The following FHIP1A variants were observed in gnomAD, a reference collection of about 807,000 sequenced individuals.
The protein encoded by FHIP1A is FHF complex subunit HOOK interacting protein 1A.
A neutral mutation model predicts 88.6 loss-of-function variants in FHIP1A; 61 were observed. The ratio of observed to expected loss-of-function variants is 0.69; its 90% CI spans 0.56 to 0.85. The LOEUF (loss-of-function observed/expected upper bound fraction) is 0.85. Among genes scored for constraint, FHIP1A ranks in the 40% least tolerant of loss-of-function variants. The probability of loss-of-function intolerance (pLI) is 0.00; values close to 1 mark genes in which losing one functional copy is unlikely to be tolerated. For missense variants in FHIP1A, 1,154 were observed against 1,273.5 expected (o/e 0.91, Z 1.43); for synonymous variants, 478 against 496.0 (o/e 0.96, Z 0.48).
intron 3 of FHIP1A, among the ~76,000 whole-genome samples, chr4:151,529,728 G>T (rs1731803438): frequency 6.6e-6 from 1 of 152,194 alleles, no homozygotes; most frequent in Admixed American, 6.5e-5. Flanking sequence ...GTGTCCATAA[G>T]ATTCTAGAAG....
chr4:151,492,076 A>G (rs1730302109), intron 3 of FHIP1A, among the ~76,000 whole-genome samples: 4 of 152,236 alleles, frequency 2.6e-5, no homozygotes, highest in Admixed American at 2.6e-4. Flanking sequence ...TACTCCACTG[A>G]CAGCACTAGA....
intron 3 of FHIP1A, among the ~76,000 whole-genome samples, chr4:151,559,397 T>TAC (rs1733083400): frequency 1.3e-5 from 2 of 152,212 alleles, no homozygotes; most frequent in Admixed American, 1.3e-4. Flanking sequence ...AAGTGAGTCT[T>TAC]CTTTCTTCAG....
At chr4:151,636,207 T>G (rs1736347689) in intron 8 of FHIP1A, among the ~76,000 whole-genome samples, 1 of 151,926 alleles carries the variant, frequency 6.6e-6, no homozygotes, top group Admixed American at 6.6e-5. Flanking sequence ...CATATCAAGA[T>G]AAAGGAAAAC....
intron 3 of FHIP1A, among the ~76,000 whole-genome samples, chr4:151,494,416 T>C (rs1730389415): frequency 6.6e-6 from 1 of 152,212 alleles, no homozygotes; most frequent in Non-Finnish European, 1.5e-5. Flanking sequence ...CAGTACCATT[T>C]ATTGAATAGG....
At chr4:151,640,834 A>G (rs932530034) in intron 9 of FHIP1A, among the ~76,000 whole-genome samples, 3 of 152,060 alleles carry the variant, frequency 2.0e-5, no homozygotes, top group Non-Finnish European at 4.4e-5. Flanking sequence ...TACTGCTCAT[A>G]TAGTGGTGTT....
chr4:151,560,023 T>A (rs1733110309), intron 3 of FHIP1A, among the ~76,000 whole-genome samples: 1 of 152,164 alleles, frequency 6.6e-6, no homozygotes, highest in African/African-American at 2.4e-5. Flanking sequence ...GGTTTTAAAC[T>A]TTATTGAAGC....
intron 1 of FHIP1A, among the ~76,000 whole-genome samples, chr4:151,440,147 T>C (rs1175733552): frequency 1.3e-5 from 2 of 152,150 alleles, no homozygotes; most frequent in Non-Finnish European, 2.9e-5. Flanking sequence ...CAGACACTTA[T>C]AAAACCATGA....
intron 4 of FHIP1A, among the ~76,000 whole-genome samples, chr4:151,573,359 G>A (rs557301739): frequency 4.6e-5 from 7 of 152,036 alleles, no homozygotes; most frequent in African/African-American, 9.6e-5. Context: ...GCTATGATCC[G>A]CAAAACGTTT....
intron 8 of FHIP1A, among the ~76,000 whole-genome samples, chr4:151,631,138 T>C (rs138723670): frequency 6.2e-4 from 94 of 151,406 alleles, no homozygotes; most frequent in African/African-American, 2.2e-3. Context: ...AAGAAAACAA[T>C]AAAGATTAGA....
chr4:151,430,050 A>G (rs1312285893), intron 1 of FHIP1A, among the ~76,000 whole-genome samples: 1 of 152,130 alleles, frequency 6.6e-6, no homozygotes, highest in Non-Finnish European at 1.5e-5. Flanking sequence ...CATTTTTATA[A>G]TAAGAAGTGT....
intron 11 of FHIP1A, among the ~76,000 whole-genome samples, chr4:151,655,770 A>G (rs1433644860): frequency 6.6e-6 from 1 of 152,158 alleles, no homozygotes; most frequent in Non-Finnish European, 1.5e-5. Flanking sequence ...TGTTCTTTAC[A>G]GAGAATTTTT....
At chr4:151,499,021 T>C (rs1407630979) in intron 3 of FHIP1A, among the ~76,000 whole-genome samples, 1 of 152,166 alleles carries the variant, frequency 6.6e-6, no homozygotes, top group African/African-American at 2.4e-5. Flanking sequence ...AAGCAATGAA[T>C]AGAAGTGATT....
At chr4:151,506,095 C>G (rs963263235) in intron 3 of FHIP1A, among the ~76,000 whole-genome samples, 6 of 151,992 alleles carry the variant, frequency 3.9e-5, no homozygotes, top group Admixed American at 2.6e-4. Flanking sequence ...CTAATTTTTT[C>G]ATTTTTGTAG....
intron 2 of FHIP1A, among the ~76,000 whole-genome samples, chr4:151,473,550 A>G (rs1729600316): frequency 6.6e-6 from 1 of 152,172 alleles, no homozygotes; most frequent in Admixed American, 6.6e-5. Flanking sequence ...ATTTTTGTCT[A>G]GTGCTAGAAT....
At chr4:151,504,020 C>T (rs1444722910) in intron 3 of FHIP1A, among the ~76,000 whole-genome samples, 1 of 152,204 alleles carries the variant, frequency 6.6e-6, no homozygotes, top group Non-Finnish European at 1.5e-5. Context: ...GTTATATGGT[C>T]ATATTTGTAC....
At chr4:151,474,434 G>A (rs1427553952) in intron 2 of FHIP1A, among the ~76,000 whole-genome samples, 1 of 152,160 alleles carries the variant, frequency 6.6e-6, no homozygotes, top group Non-Finnish European at 1.5e-5. Flanking sequence ...ATACTGTACT[G>A]TTTAGTGTCA....
At chr4:151,591,716 C>T (rs558584914) in intron 7 of FHIP1A, among the ~76,000 whole-genome samples, 2 of 152,202 alleles carry the variant, frequency 1.3e-5, no homozygotes, top group East Asian at 3.9e-4. Flanking sequence ...TTTTCTGTTC[C>T]TGTGTTAGTT....
At chr4:151,645,495 G>A (rs560893163) in intron 9 of FHIP1A, among the ~76,000 whole-genome samples, 15 of 151,870 alleles carry the variant, frequency 9.9e-5, no homozygotes, top group South Asian at 6.3e-4. Flanking sequence ...CCTGAAAGTC[G>A]TACTTTTTAT....
intron 5 of FHIP1A, among the ~76,000 whole-genome samples, chr4:151,582,033 T>C (rs1444234580): frequency 6.6e-6 from 1 of 152,132 alleles, no homozygotes; most frequent in Non-Finnish European, 1.5e-5. Context: ...AAACCAAATA[T>C]TGATGGTTAA....
Sources: allele counts gnomAD v4.1 joint callset (sites outside exome capture counted in the v4.1 genomes callset), GRCh38; gene constraint gnomAD v4.1.1; transcripts MANE v1.5; gene names NCBI Gene and HGNC (gene_info 2026-07-23, HGNC 2026-07-21).